LPP: variants seen among roughly 807,000 people sequenced by gnomAD.
The protein encoded by LPP is LIM domain containing preferred translocation partner in lipoma.
Under a neutral mutation model 60.4 loss-of-function variants are expected in LPP, and 38 were observed. The observed-to-expected ratio is 0.63, with a 90% CI of 0.49 to 0.83. The LOEUF is 0.83. Ranked by LOEUF, LPP falls within the 40% of genes least tolerant of loss-of-function variation. The pLI is 0.00. For missense variants in LPP, 902 were observed against 783.6 expected (o/e 1.15, Z -1.80); for synonymous variants, 328 against 290.8 (o/e 1.13, Z -1.30).
At chr3:188,335,128 C>T (rs1401090803) in intron 2 of LPP, among the ~76,000 whole-genome samples, 1 of 152,136 alleles carries the variant, frequency 6.6e-6, no homozygotes, top group Non-Finnish European at 1.5e-5. Context: ...TAAAAGAAAC[C>T]TTTCAATTTG....
chr3:188,383,489 A>G (rs1385993850), intron 3 of LPP, among the ~76,000 whole-genome samples: 1 of 152,194 alleles, frequency 6.6e-6, no homozygotes, highest in African/African-American at 2.4e-5. Context: ...TTCATCTGAA[A>G]GATGTATACT....
intron 8 of LPP, among the ~76,000 whole-genome samples, chr3:188,745,246 T>C (rs1047471969): frequency 6.6e-6 from 1 of 152,182 alleles, no homozygotes; most frequent in South Asian, 2.1e-4. Flanking sequence ...CTCATCTTTA[T>C]ATTCCTGGTT....
chr3:188,714,537 G>T (rs748470378), intron 8 of LPP, among the ~76,000 whole-genome samples: 1 of 151,222 alleles, frequency 6.6e-6, no homozygotes, highest in Admixed American at 6.6e-5. Context: ...TTCAAGTCAG[G>T]TTTTTTTATA....
chr3:188,375,498 G>A (rs1426200308), intron 3 of LPP, among the ~76,000 whole-genome samples: 1 of 152,186 alleles, frequency 6.6e-6, no homozygotes, highest in East Asian at 1.9e-4. Context: ...TTTTAGAAGA[G>A]GTGTTTGTAG....
intron 4 of LPP, among the ~76,000 whole-genome samples, chr3:188,421,613 T>C (rs1350549192): frequency 1.3e-5 from 2 of 152,168 alleles, no homozygotes; most frequent in African/African-American, 4.8e-5. Flanking sequence ...ATAGTAATGG[T>C]AATATAGCAA....
At chr3:188,509,656 T>TCCTC (rs1243934963) in intron 5 of LPP, among the ~76,000 whole-genome samples, 1 of 33,744 alleles carries the variant, frequency 3.0e-5, no homozygotes, top group African/African-American at 1.1e-4. Context: ...CTTCCTTCCT[T>TCCTC]CCTTCCTTCC....
intron 2 of LPP, among the ~76,000 whole-genome samples, chr3:188,268,548 T>C (rs1009714908): frequency 6.6e-6 from 1 of 152,224 alleles, no homozygotes; most frequent in Non-Finnish European, 1.5e-5. Context: ...GTTTGAACAG[T>C]TGGCTGTCTT....
chr3:188,360,722 A>G (rs1769038183), intron 3 of LPP, among the ~76,000 whole-genome samples: 1 of 152,178 alleles, frequency 6.6e-6, no homozygotes, highest in Admixed American at 6.5e-5. Context: ...TAAGCCTGGT[A>G]AACACTTTTA....
At chr3:188,798,651 T>C (rs1016291497) in intron 9 of LPP, among the ~76,000 whole-genome samples, 7 of 152,106 alleles carry the variant, frequency 4.6e-5, no homozygotes, top group Non-Finnish European at 8.8e-5. Context: ...TACTGCTCAG[T>C]GAGGGGAGAG....
At chr3:188,309,032 T>C (rs1752539510) in intron 2 of LPP, among the ~76,000 whole-genome samples, 1 of 147,458 alleles carries the variant, frequency 6.8e-6, no homozygotes, top group Non-Finnish European at 1.5e-5. Context: ...CTTTTTTTTT[T>C]TTTTTTTGAT....
chr3:188,883,091 A>T lies in LPP; in HGVS notation c.*8612A>T. The T allele has an allele frequency of 5.1e-6, 1 of 195,284 alleles. No homozygotes were observed. Among genetic ancestry groups the T allele is most frequent in the East Asian group, 7.7e-5 (1 of 12,920 alleles). 12.1% of individuals were successfully genotyped at this position (195,284 alleles called of 1,614,324 possible). ...AGCACATTTTGTTCCAAGCTACACG[A>T]CTTTAAAACAGAGCCAGCCTTTGGG... On this transcript the variant is annotated 3_prime_UTR_variant, in exon 12 of 12. Transcript: ENST00000617246.
rs1213786210 is a variant in LPP, at chr3:188,770,255, C to T, written c.1410+9973C>T. Among the ~76,000 whole-genome samples, 10 of 148,524 alleles carry T rather than the reference C, an allele frequency of 6.7e-5. No homozygotes were observed. In the East Asian group the frequency reaches 2.0e-3, roughly 30 times the overall value. ...GTGCAGTGGTGCAATCTCGGCTCAC[C>T]GCAAGCTCCACCTGCCGGGTTCACG... On this transcript the variant is annotated intron_variant, in intron 9 of 11. Coordinates refer to ENST00000617246, the MANE Select transcript of LPP (RefSeq NM_001375462.1).
chr3:188,639,247 G>C (rs1211046453), intron 7 of LPP, among the ~76,000 whole-genome samples: 16 of 151,772 alleles, frequency 1.1e-4, no homozygotes, highest in African/African-American at 3.6e-4. Context: ...ACAAACCTGA[G>C]AAAAACAAGC....
chr3:188,163,953 A>AG (rs1719162042), intron 1 of LPP, among the ~76,000 whole-genome samples: 1 of 148,258 alleles, frequency 6.7e-6, no homozygotes, highest in African/African-American at 2.5e-5. Flanking sequence ...TCTGTCTCCA[A>AG]AAAAAAAAAA....
intron 3 of LPP, among the ~76,000 whole-genome samples, chr3:188,346,948 A>C (rs1764565466): frequency 6.6e-6 from 1 of 152,192 alleles, no homozygotes; most frequent in South Asian, 2.1e-4. Context: ...TTTAATATTG[A>C]AACTCTTATT....
chr3:188,419,445 A>G (rs1467529373), intron 4 of LPP, among the ~76,000 whole-genome samples: 1 of 152,192 alleles, frequency 6.6e-6, no homozygotes, highest in African/African-American at 2.4e-5. Flanking sequence ...TTGGAAGGTT[A>G]CAGAGAAGAA....
intron 9 of LPP, among the ~76,000 whole-genome samples, chr3:188,798,118 G>A (rs1745925371): frequency 1.3e-5 from 2 of 152,144 alleles, no homozygotes; most frequent in Admixed American, 1.3e-4. Flanking sequence ...GACATTGAAT[G>A]TTTGCATGAC....
At chr3:188,654,526 T>C (rs183030534) in intron 7 of LPP, among the ~76,000 whole-genome samples, 291 of 152,324 alleles carry the variant, frequency 1.9e-3, no homozygotes, top group Non-Finnish European at 3.5e-3. Flanking sequence ...ACTCTTTTTC[T>C]CTGTGTTGTG....
intron 1 of LPP, among the ~76,000 whole-genome samples, chr3:188,167,585 GTGT>G (rs1277731144): frequency 9.6e-6 from 1 of 104,534 alleles, no homozygotes. Context: ...CTTTGTGTGT[GTGT>G]TGTTTTTTTT....
Sources: gnomAD v4.1 joint callset for allele counts (sites outside exome capture counted in the v4.1 genomes callset) on GRCh38, gnomAD v4.1.1 for gene constraint, MANE v1.5 for transcripts, NCBI Gene and HGNC (gene_info 2026-07-23, HGNC 2026-07-21) for gene names.